Variants in MRPL45 observed in about 807,000 individuals in gnomAD.
The protein encoded by MRPL45 is large ribosomal subunit protein mL45.
Under a neutral mutation model 38.1 loss-of-function variants are expected in MRPL45, and 20 were observed. That is an observed-to-expected ratio of 0.53 (90% CI 0.37 to 0.76). The LOEUF (loss-of-function observed/expected upper bound fraction) is 0.76, where lower values mean the gene tolerates loss of function less well. MRPL45 is among the 30% of genes least tolerant of loss of function. The probability of loss-of-function intolerance (pLI) is 0.00; values close to 1 mark genes in which losing one functional copy is unlikely to be tolerated. For synonymous variants in MRPL45, 105 were observed against 128.8 expected (o/e 0.82, Z 1.25); for missense variants, 337 against 395.6 (o/e 0.85, Z 1.26).
intron 3 of MRPL45, among the ~76,000 whole-genome samples, chr17:38,304,617 T>TA (rs1415647100): frequency 2.6e-5 from 4 of 152,170 alleles, no homozygotes; most frequent in Non-Finnish European, 5.9e-5. Flanking sequence ...GATCTTGACT[T>TA]ACTACAACCT....
At chr17:38,313,664 G>A (rs929725530) in intron 4 of MRPL45, among the ~76,000 whole-genome samples, 1 of 149,740 alleles carries the variant, frequency 6.7e-6, no homozygotes, top group African/African-American at 2.5e-5. Flanking sequence ...TTGAAGAAAG[G>A]TCTTTTTTTT....
intron 3 of MRPL45, among the ~76,000 whole-genome samples, chr17:38,302,528 T>C (rs1490751777): frequency 2.1e-5 from 3 of 139,614 alleles, no homozygotes; most frequent in Admixed American, 7.2e-5. Flanking sequence ...TTTTTTTTTT[T>C]AGAGTTAGCC....
Position 38,302,116 on chromosome 17 carries a change from C to CAA in MRPL45, c.362+2668_362+2669dup, listed in dbSNP as rs67699213. On this transcript the variant is annotated intron_variant, in intron 3 of 7. Coordinates refer to ENST00000613675, the MANE Select transcript of MRPL45 (RefSeq NM_032351.6). The stretch of plus-strand genomic sequence containing the variant: ...TGGGCGACAGAGCAAGACTCCGTCT[C>CAA]AAAAAAAAAAAAAAAAAAAAAGATA... 4.6e-3 allele frequency among the ~76,000 whole-genome samples: 346 copies of CAA among 75,088 alleles called. 8 individuals are homozygous for CAA. Among genetic ancestry groups the CAA allele is most frequent in the East Asian group, 0.012 (30 of 2,454 alleles). The allele number at this position is 75,088 out of a possible 152,430, so 49.3% of individuals were successfully genotyped here. A position where few individuals can be genotyped will look rare whatever the true frequency, so the allele number is the denominator to read the frequency against.
At chr17:38,300,721 C>T (rs111849026) in intron 3 of MRPL45, among the ~76,000 whole-genome samples, 108,856 of 151,898 alleles carry the variant, frequency 0.72, 43,623 homozygotes, top group East Asian at 1. Context: ...CTGAGGTGGG[C>T]GGATCACCTG....
chr17:38,313,145 C>G (rs540406566), intron 4 of MRPL45, among the ~76,000 whole-genome samples: 2 of 149,766 alleles, frequency 1.3e-5, no homozygotes, highest in South Asian at 4.2e-4. Flanking sequence ...CCACCACACC[C>G]GGCTAATTTT....
intron 4 of MRPL45, among the ~76,000 whole-genome samples, chr17:38,312,440 T>G (rs1305438592): frequency 6.6e-6 from 1 of 152,226 alleles, no homozygotes; most frequent in Admixed American, 6.5e-5. Context: ...ACATTCAGGT[T>G]GTTTCCACCT....
intron 5 of MRPL45, among the ~76,000 whole-genome samples, chr17:38,319,688 G>A (rs1315094424): frequency 6.6e-6 from 1 of 152,178 alleles, no homozygotes; most frequent in Non-Finnish European, 1.5e-5. Flanking sequence ...CCACACGCCT[G>A]CACTATCATG....
At chr17:38,306,662 G>T in intron 4 of MRPL45, 31 bp downstream of exon 4, 1 of 1,608,580 alleles carries the variant, frequency 6.2e-7, no homozygotes. Flanking sequence ...TACCCATTCT[G>T]TTCTCAGCAG....
At chr17:38,308,650 G>C (rs1303012035) in intron 4 of MRPL45, among the ~76,000 whole-genome samples, 3 of 151,240 alleles carry the variant, frequency 2.0e-5, no homozygotes, top group Non-Finnish European at 2.9e-5. Context: ...ATGTTGGCCA[G>C]GCTGGTCTTG....
Position 38,312,857 on chromosome 17 carries a change from TA to T in MRPL45, c.462-5828del, listed in dbSNP as rs1480726350. 4.0e-5 allele frequency among the ~76,000 whole-genome samples: 6 copies of T among 150,082 alleles called. No homozygotes were observed. In the East Asian group the frequency reaches 1.2e-3, roughly 29 times the overall value. ...TGAGACTGTCTCAAAAAAAAAACCC[TA>T]ACTTTTTGAGGAACCACCATATGGT... On this transcript the variant is annotated intron_variant, in intron 4 of 7. Coordinates refer to ENST00000613675, the MANE Select transcript of MRPL45 (RefSeq NM_032351.6).
intron 2 of MRPL45, among the ~76,000 whole-genome samples, chr17:38,299,123 T>C (rs1404986194): frequency 1.3e-5 from 2 of 151,894 alleles, no homozygotes; most frequent in Admixed American, 6.6e-5. Flanking sequence ...TTCCTGACTT[T>C]GTGATCCGCC....
At chr17:38,305,859 T>C (rs1029733962) in intron 3 of MRPL45, among the ~76,000 whole-genome samples, 2 of 151,740 alleles carry the variant, frequency 1.3e-5, no homozygotes, top group African/African-American at 4.8e-5. Context: ...GCTAGGCTGG[T>C]CTCAAACTCC....
chr17:38,303,966 C>G lies in MRPL45; in HGVS notation c.363-2567C>G, dbSNP rs1245079599. 2.0e-5 allele frequency among the ~76,000 whole-genome samples: 3 copies of G among 152,082 alleles called. No individual in the cohort carries two copies. In the East Asian group the frequency reaches 5.8e-4, roughly 29 times the overall value. On this transcript the variant is annotated intron_variant, in intron 3 of 7. Transcript: ENST00000613675. ...GATTGCCTCCCTCTTACGTTGTATT[C>G]CCTGTTGCTTGGATCCTATGTCTTT... is the stretch of plus-strand genomic sequence containing the variant.
At chr17:38,311,781 T>G (rs955742382) in intron 4 of MRPL45, among the ~76,000 whole-genome samples, 1 of 151,146 alleles carries the variant, frequency 6.6e-6, no homozygotes, top group East Asian at 1.9e-4. Flanking sequence ...AGGAACGGGC[T>G]CTCACCAGAC....
intron 4 of MRPL45, among the ~76,000 whole-genome samples, chr17:38,312,985 T>G (rs960581291): frequency 4.3e-3 from 15 of 3,474 alleles, no homozygotes; most frequent in Admixed American, 0.031. Flanking sequence ...TTTTTATTGG[T>G]TTTTTTTTTT....
chr17:38,307,328 G>T (rs1044780189), intron 4 of MRPL45, among the ~76,000 whole-genome samples: 18 of 148,020 alleles, frequency 1.2e-4, no homozygotes, highest in Non-Finnish European at 2.2e-4. Flanking sequence ...GAGCCACCAC[G>T]CCCGGCCCCC....
At chr17:38,301,277 T>A (rs1303623778) in intron 3 of MRPL45, among the ~76,000 whole-genome samples, 1 of 152,144 alleles carries the variant, frequency 6.6e-6, no homozygotes, top group African/African-American at 2.4e-5. Flanking sequence ...GTTTTACTCT[T>A]GTTGCCCAGG....
At chr17:38,309,097 GGGTTT>G (rs2037082503) in intron 4 of MRPL45, among the ~76,000 whole-genome samples, 1 of 150,410 alleles carries the variant, frequency 6.6e-6, no homozygotes, top group African/African-American at 2.4e-5. Flanking sequence ...AGTAGAGACA[GGGTTT>G]CACCATATTG....
intron 3 of MRPL45, among the ~76,000 whole-genome samples, chr17:38,303,603 A>C (rs927109061): frequency 5.3e-5 from 8 of 151,874 alleles, no homozygotes; most frequent in African/African-American, 1.7e-4. Context: ...AACATTAAAT[A>C]TTTTATTAAT....
Sources: allele counts gnomAD v4.1 joint callset (sites outside exome capture counted in the v4.1 genomes callset), GRCh38; gene constraint gnomAD v4.1.1; transcripts MANE v1.5; gene names NCBI Gene and HGNC (gene_info 2026-07-23, HGNC 2026-07-21).